The following CAST variants were observed in gnomAD, a reference collection of about 807,000 sequenced individuals.
CAST encodes the protein MIR583 host.
In CAST, 76 loss-of-function variants were observed where a neutral mutation model predicts 119.6. The ratio of observed to expected loss-of-function variants is 0.64; its 90% CI spans 0.53 to 0.77. The LOEUF (loss-of-function observed/expected upper bound fraction) is 0.77. Among genes scored for constraint, CAST ranks in the 30% least tolerant of loss-of-function variants. The probability of loss-of-function intolerance (pLI) is 0.00; values close to 1 mark genes in which losing one functional copy is unlikely to be tolerated. For synonymous variants in CAST, 319 were observed against 331.6 expected, an observed-to-expected ratio of 0.96 and a Z score of 0.41; for missense variants, 953 against 946.5, an observed-to-expected ratio of 1.01 and a Z score of -0.09.
At chr5:96,171,656 G>T in the CAST span, among the ~76,000 whole-genome samples, 4 of 152,228 alleles carry the variant, frequency 2.6e-5, no homozygotes, top group African/African-American at 7.2e-5. Context: ...GATAAAATGT[G>T]TCTCCTTTGT....
At chr5:96,712,565 T>C (rs1339235982) in intron 3 of CAST, among the ~76,000 whole-genome samples, 3 of 152,132 alleles carry the variant, frequency 2.0e-5, no homozygotes, top group Non-Finnish European at 4.4e-5. Context: ...CTGGGCTCAA[T>C]CAATCCTCCC....
the CAST span, among the ~76,000 whole-genome samples, chr5:96,387,715 C>T: frequency 0.01 from 1,562 of 152,156 alleles, 27 homozygotes; most frequent in African/African-American, 0.036. Context: ...TGGACCCTCC[C>T]CAAGAATGAG....
At chr5:96,190,141 G>A in the CAST span, among the ~76,000 whole-genome samples, 3 of 152,180 alleles carry the variant, frequency 2.0e-5, no homozygotes, top group African/African-American at 7.2e-5. Flanking sequence ...TTAGTATGCA[G>A]AATTTGCACT....
the CAST span, among the ~76,000 whole-genome samples, chr5:96,405,791 T>TA: frequency 6.6e-6 from 1 of 152,242 alleles, no homozygotes; most frequent in East Asian, 1.9e-4. Flanking sequence ...AGCTCTTACA[T>TA]AAAATTGGCA....
chr5:96,329,532 C>T, the CAST span, among the ~76,000 whole-genome samples: 2 of 152,182 alleles, frequency 1.3e-5, no homozygotes, highest in African/African-American at 4.8e-5. Context: ...TGCCCAGTTT[C>T]CCTGGGGAGC....
chr5:96,182,699 T>G, the CAST span, among the ~76,000 whole-genome samples: 1 of 152,218 alleles, frequency 6.6e-6, no homozygotes, highest in Non-Finnish European at 1.5e-5. Context: ...ATTGGGTATA[T>G]TCTATAAGCC....
the CAST span, among the ~76,000 whole-genome samples, chr5:96,242,508 G>A: frequency 6.6e-6 from 1 of 152,176 alleles, no homozygotes; most frequent in African/African-American, 2.4e-5. Context: ...CTGCTGTCAT[G>A]GAGCCTCCAG....
the CAST span, among the ~76,000 whole-genome samples, chr5:96,283,980 T>C: frequency 6.6e-6 from 1 of 152,144 alleles, no homozygotes; most frequent in African/African-American, 2.4e-5. Context: ...TCAATGCTCT[T>C]ACCATTGGAC....
intron 1 of CAST, among the ~76,000 whole-genome samples, chr5:96,664,357 A>G (rs1387811066): frequency 1.3e-5 from 2 of 150,700 alleles, no homozygotes; most frequent in East Asian, 4.0e-4. Context: ...ATATGTAAAT[A>G]TATGTGTGTG....
At chr5:96,409,332 T>G in the CAST span, among the ~76,000 whole-genome samples, 7 of 152,168 alleles carry the variant, frequency 4.6e-5, no homozygotes, top group Non-Finnish European at 8.8e-5. Flanking sequence ...GCTTCCTGCT[T>G]GGAGTTGCTG....
intron 1 of CAST, among the ~76,000 whole-genome samples, chr5:96,540,189 T>C (rs1055844704): frequency 5.9e-5 from 9 of 152,104 alleles, no homozygotes; most frequent in African/African-American, 2.2e-4. Context: ...AAACAGTTAA[T>C]TATATTTTTT....
the CAST span, among the ~76,000 whole-genome samples, chr5:95,999,690 T>C: frequency 6.6e-6 from 1 of 152,224 alleles, no homozygotes; most frequent in South Asian, 2.1e-4. Flanking sequence ...TTTGGGGTTA[T>C]TATTAATAAT....
At chr5:96,556,824 G>A (rs1475271382) in intron 1 of CAST, among the ~76,000 whole-genome samples, 1 of 152,140 alleles carries the variant, frequency 6.6e-6, no homozygotes, top group Non-Finnish European at 1.5e-5. Flanking sequence ...ATCTAGCAAG[G>A]CAGGCCAACA....
At chr5:96,559,558 C>G (rs1443655475) in intron 1 of CAST, among the ~76,000 whole-genome samples, 1 of 152,036 alleles carries the variant, frequency 6.6e-6, no homozygotes, top group East Asian at 1.9e-4. Context: ...TTCTTATACA[C>G]CAATAACAAA....
the CAST span, among the ~76,000 whole-genome samples, chr5:96,508,761 T>G: frequency 6.6e-6 from 1 of 152,188 alleles, no homozygotes; most frequent in Non-Finnish European, 1.5e-5. Context: ...TAATGCCACC[T>G]TTGTTTCTTC....
At chr5:96,112,902 G>A in the CAST span, among the ~76,000 whole-genome samples, 382 of 152,272 alleles carry the variant, frequency 2.5e-3, 1 homozygote, top group Non-Finnish European at 3.7e-3. Flanking sequence ...CAGCATGGCG[G>A]GAGATGGAGA....
rs1772624483 is a variant in CAST, at chr5:96,772,131, G to C, written c.*23+429G>C. On this transcript the variant is annotated intron_variant, in intron 31 of 31. Coordinates refer to ENST00000675179, the MANE Select transcript of CAST (RefSeq NM_001750.7). ...TGGGGAGAAGTACCCTTTAGAGTCT[G>C]GTGGAAATTACAGGGTTTTGGGAAC... The C allele has an allele frequency of 4.5e-5, 7 of 154,282 alleles. No homozygotes were observed. In the Admixed American group the frequency reaches 4.6e-4, roughly 10 times the overall value. The allele number at this position is 154,282 out of a possible 1,614,324, so 9.6% of individuals were successfully genotyped here. A position where few individuals can be genotyped will look rare whatever the true frequency, so the allele number is the denominator to read the frequency against.
chr5:96,074,821 T>C, the CAST span, among the ~76,000 whole-genome samples: 1 of 152,224 alleles, frequency 6.6e-6, no homozygotes. Context: ...TTTCATAGTG[T>C]GTGATTTTGG....
chr5:96,444,801 T>G, the CAST span, among the ~76,000 whole-genome samples: 1 of 152,190 alleles, frequency 6.6e-6, no homozygotes, highest in African/African-American at 2.4e-5. Context: ...GTGACCACTA[T>G]GGTGTTTTTT....
Sources: allele counts gnomAD v4.1 joint callset (sites outside exome capture counted in the v4.1 genomes callset), GRCh38; gene constraint gnomAD v4.1.1; transcripts MANE v1.5; gene names NCBI Gene and HGNC (gene_info 2026-07-23, HGNC 2026-07-21).